Variants in GPC6 observed in about 807,000 individuals in gnomAD.
GPC6 encodes glypican 6.
Under a neutral mutation model 55.2 loss-of-function variants are expected in GPC6, and 14 were observed. The ratio of observed to expected loss-of-function variants is 0.25; its 90% CI spans 0.17 to 0.40. The LOEUF (loss-of-function observed/expected upper bound fraction) is 0.40, where lower values mean the gene tolerates loss of function less well. Among genes scored for constraint, GPC6 ranks in the 10% least tolerant of loss-of-function variants. The pLI, the probability that GPC6 is intolerant of heterozygous loss-of-function variation, is 1.00. For missense variants in GPC6, 641 were observed against 708.5 expected (o/e 0.90, Z 1.08); for synonymous variants, 278 against 259.6 (o/e 1.07, Z -0.68).
At chr13:93,952,068 A>G (rs952506089) in intron 3 of GPC6, among the ~76,000 whole-genome samples, 1 of 152,140 alleles carries the variant, frequency 6.6e-6, no homozygotes, top group Non-Finnish European at 1.5e-5. Flanking sequence ...AATTAATAGT[A>G]CCATTTCAGT....
intron 1 of GPC6, among the ~76,000 whole-genome samples, chr13:93,404,550 AC>A (rs1376243265): frequency 6.6e-6 from 1 of 152,168 alleles, no homozygotes; most frequent in Non-Finnish European, 1.5e-5. Context: ...GTGTAGAAAG[AC>A]AAATTCTTGG....
At chr13:93,656,932 A>C (rs1023463142) in intron 2 of GPC6, among the ~76,000 whole-genome samples, 1 of 151,956 alleles carries the variant, frequency 6.6e-6, no homozygotes, top group Non-Finnish European at 1.5e-5. Context: ...GAATTACAAA[A>C]CTTTTGCTGA....
chr13:93,895,230 GTGTGTA>G (rs1875928747), intron 3 of GPC6, among the ~76,000 whole-genome samples: 3 of 74,996 alleles, frequency 4.0e-5, no homozygotes, highest in African/African-American at 1.0e-4. Flanking sequence ...GTATGTGTGT[GTGTGTA>G]TATATATATA....
At chr13:93,570,220 A>G (rs1876336316) in intron 2 of GPC6, among the ~76,000 whole-genome samples, 2 of 152,210 alleles carry the variant, frequency 1.3e-5, no homozygotes, top group Non-Finnish European at 2.9e-5. Context: ...GCAGTAGAAT[A>G]TGCAGCATAA....
intron 4 of GPC6, among the ~76,000 whole-genome samples, chr13:94,206,899 T>C (rs1301632614): frequency 6.6e-6 from 1 of 152,118 alleles, no homozygotes; most frequent in Non-Finnish European, 1.5e-5. Context: ...GCCTGTGTAT[T>C]TGCCTTTCGT....
intron 3 of GPC6, among the ~76,000 whole-genome samples, chr13:93,949,077 T>C (rs1359757939): frequency 6.6e-6 from 1 of 152,204 alleles, no homozygotes; most frequent in Non-Finnish European, 1.5e-5. Flanking sequence ...TTTGGGGGTC[T>C]TCTGCGTTGT....
chr13:93,940,057 T>C, intron 3 of GPC6, among the ~76,000 whole-genome samples: 1 of 152,216 alleles, frequency 6.6e-6, no homozygotes. Flanking sequence ...TCTTTAATCC[T>C]TATTCTGAGC....
At chr13:93,443,348 A>G (rs1283298871) in intron 1 of GPC6, among the ~76,000 whole-genome samples, 1 of 152,188 alleles carries the variant, frequency 6.6e-6, no homozygotes, top group Non-Finnish European at 1.5e-5. Flanking sequence ...TGAGAAGCTA[A>G]TTGGCCAAAT....
chr13:93,889,319 T>C (rs1169831959), intron 3 of GPC6, among the ~76,000 whole-genome samples: 1 of 152,124 alleles, frequency 6.6e-6, no homozygotes, highest in Non-Finnish European at 1.5e-5. Context: ...CCCAAACGAT[T>C]TTAATGTATA....
intron 1 of GPC6, among the ~76,000 whole-genome samples, chr13:93,445,530 A>G (rs1455357108): frequency 2.0e-5 from 3 of 152,228 alleles, no homozygotes; most frequent in Non-Finnish European, 4.4e-5. Flanking sequence ...TTTTAAGAGA[A>G]ATGGAGTCTG....
intron 2 of GPC6, among the ~76,000 whole-genome samples, chr13:93,564,042 TTTC>T (rs1251216532): frequency 6.6e-6 from 1 of 152,112 alleles, no homozygotes; most frequent in Non-Finnish European, 1.5e-5. Flanking sequence ...TTGAGATATA[TTTC>T]TTTATATTTC....
intron 4 of GPC6, among the ~76,000 whole-genome samples, chr13:94,285,293 A>C (rs1892497310): frequency 6.6e-6 from 1 of 152,138 alleles, no homozygotes; most frequent in Non-Finnish European, 1.5e-5. Context: ...CCAAGAAGGC[A>C]CCTGCTTAGG....
chr13:94,195,492 C>T (rs117898232), intron 4 of GPC6, among the ~76,000 whole-genome samples: 2,278 of 152,286 alleles, frequency 0.015, 30 homozygotes, highest in Non-Finnish European at 0.024. Flanking sequence ...ATTTTCCTTA[C>T]ATAGGAGTCA....
intron 6 of GPC6, among the ~76,000 whole-genome samples, chr13:94,330,994 T>C (rs983390581): frequency 6.6e-6 from 1 of 152,162 alleles, no homozygotes; most frequent in Non-Finnish European, 1.5e-5. Context: ...TCCCTCCAAA[T>C]ATTTAATAAA....
At chr13:93,634,070 T>G (rs564644481) in intron 2 of GPC6, among the ~76,000 whole-genome samples, 93 of 152,324 alleles carry the variant, frequency 6.1e-4, no homozygotes, top group Non-Finnish European at 5.4e-4. Flanking sequence ...AGTGAACATA[T>G]ACTTTACCCC....
intron 3 of GPC6, among the ~76,000 whole-genome samples, chr13:93,925,366 C>G (rs1433032557): frequency 6.6e-6 from 1 of 151,882 alleles, no homozygotes; most frequent in Non-Finnish European, 1.5e-5. Context: ...TAAAAGTCTG[C>G]AACTACATAT....
At chr13:93,848,072 A>G (rs1888261487) in intron 3 of GPC6, among the ~76,000 whole-genome samples, 1 of 152,164 alleles carries the variant, frequency 6.6e-6, no homozygotes, top group African/African-American at 2.4e-5. Flanking sequence ...AGTCAATTTA[A>G]TGTCAGCATC....
rs1452519465 is a variant in GPC6, at chr13:93,785,379, T to A, written c.320-44775T>A. ...TCACATTGGCTCTCAAAATTGGTTA[T>A]GTGTAATTATCATCTGGGAAATTTT... On this transcript the variant is annotated intron_variant, in intron 2 of 8. Transcript: ENST00000377047. 3.3e-5 allele frequency among the ~76,000 whole-genome samples: 5 copies of A among 152,172 alleles called. No individual in the cohort carries two copies. The East Asian group carries it at 7.7e-4, about 23-fold the overall frequency.
chr13:93,895,236 A>ATATATG (rs1555339957), intron 3 of GPC6, among the ~76,000 whole-genome samples: 1 of 31,998 alleles, frequency 3.1e-5, no homozygotes, highest in African/African-American at 1.2e-4. Flanking sequence ...GTGTGTGTGT[A>ATATATG]TATATATATA....
Sources: gnomAD v4.1 joint callset for allele counts (sites outside exome capture counted in the v4.1 genomes callset) on GRCh38, gnomAD v4.1.1 for gene constraint, MANE v1.5 for transcripts, NCBI Gene and HGNC (gene_info 2026-07-23, HGNC 2026-07-21) for gene names.